NSRP1: variants seen among roughly 807,000 people sequenced by gnomAD.
The protein encoded by NSRP1 is coiled-coil domain containing 55.
Under a neutral mutation model 54.7 loss-of-function variants are expected in NSRP1, and 24 were observed. That is an observed-to-expected ratio of 0.44 (90% confidence interval 0.32 to 0.62). NSRP1 has a LOEUF of 0.62. Ranked by LOEUF, NSRP1 falls within the 20% of genes least tolerant of loss-of-function variation. The probability of loss-of-function intolerance (pLI) is 0.06; values close to 1 mark genes in which losing one functional copy is unlikely to be tolerated. For missense variants in NSRP1, 596 were observed against 651.2 expected (o/e 0.92, Z 0.92); for synonymous variants, 210 against 213.8 (o/e 0.98, Z 0.15).
intron 2 of NSRP1, among the ~76,000 whole-genome samples, chr17:30,139,183 C>T (rs2071780455): frequency 1.3e-5 from 2 of 149,848 alleles, no homozygotes. Context: ...TCCCAAAGTG[C>T]TGGGATTACA....
At chr17:30,158,925 G>A (rs1904414833) in intron 2 of NSRP1, among the ~76,000 whole-genome samples, 1 of 152,000 alleles carries the variant, frequency 6.6e-6, no homozygotes, top group Non-Finnish European at 1.5e-5. Context: ...TTTTTGCTCA[G>A]GTTTGCTTTG....
At chr17:30,176,613 C>T (rs533700826) in intron 3 of NSRP1, among the ~76,000 whole-genome samples, 9 of 121,116 alleles carry the variant, frequency 7.4e-5, no homozygotes, top group Non-Finnish European at 1.3e-4. Flanking sequence ...TCGTCCCCCC[C>T]CCCCCAAAAA....
At chr17:30,130,774 A>G (rs137880235) in intron 2 of NSRP1, among the ~76,000 whole-genome samples, 13 of 152,282 alleles carry the variant, frequency 8.5e-5, no homozygotes, top group South Asian at 2.1e-4. Flanking sequence ...TTCCAGGAAT[A>G]CACTGTTTCT....
intron 2 of NSRP1, among the ~76,000 whole-genome samples, chr17:30,171,647 C>T (rs1294848505): frequency 6.6e-6 from 1 of 151,586 alleles, no homozygotes; most frequent in African/African-American, 2.4e-5. Flanking sequence ...CCCTTTCAGA[C>T]TGTTTATCTG....
At chr17:30,179,469 G>C (rs1905231041) in intron 5 of NSRP1, among the ~76,000 whole-genome samples, 172 bp downstream of exon 5, 1 of 152,086 alleles carries the variant, frequency 6.6e-6, no homozygotes, top group Non-Finnish European at 1.5e-5. Context: ...AAAACAGAAA[G>C]GAAAGTTTAA....
chr17:30,120,318 A>T (rs894820414), intron 2 of NSRP1, among the ~76,000 whole-genome samples: 1 of 152,214 alleles, frequency 6.6e-6, no homozygotes, highest in Non-Finnish European at 1.5e-5. Flanking sequence ...ATAATTGACC[A>T]TAAGAAATGA....
rs578157975 is a variant in NSRP1 at position 30,155,992 on chromosome 17, A to G, written c.115-16550A>G. Among the ~76,000 whole-genome samples the G allele has an allele frequency of 7.4e-4, 112 of 151,638 alleles. No individual in the cohort carries two copies. In the Middle Eastern group the frequency reaches 0.01, roughly 14 times the overall value. ...GTAGCTGGGATTACAGGCACCTACC[A>G]CCAAACCCGGCTAATTTTTATACTT... is the stretch of plus-strand genomic sequence containing the variant. On this transcript the variant is annotated intron_variant, in intron 2 of 6. Coordinates refer to ENST00000247026, the MANE Select transcript of NSRP1 (RefSeq NM_032141.4).
chr17:30,139,796 G>A (rs1157694154), intron 2 of NSRP1, among the ~76,000 whole-genome samples: 4 of 152,092 alleles, frequency 2.6e-5, no homozygotes, highest in Admixed American at 6.6e-5. Context: ...AGGCTGAGGC[G>A]GGCGGATCAT....
intron 2 of NSRP1, among the ~76,000 whole-genome samples, chr17:30,120,704 G>C (rs999744827): frequency 6.6e-6 from 1 of 152,178 alleles, no homozygotes; most frequent in Non-Finnish European, 1.5e-5. Flanking sequence ...GGATCACTCT[G>C]ATGTATTATT....
intron 2 of NSRP1, among the ~76,000 whole-genome samples, chr17:30,169,409 G>A (rs1416896514): frequency 6.6e-6 from 1 of 152,040 alleles, no homozygotes; most frequent in Non-Finnish European, 1.5e-5. Context: ...ATTTGGAGAT[G>A]TAATCTTCTC....
At chr17:30,164,831 A>G (rs1904671773) in intron 2 of NSRP1, among the ~76,000 whole-genome samples, 1 of 152,142 alleles carries the variant, frequency 6.6e-6, no homozygotes, top group South Asian at 2.1e-4. Context: ...GTTTTAAGGA[A>G]TATTCTCCTG....
rs963263183 is a variant in NSRP1 at position 30,185,783 on chromosome 17, T to A, written c.*109T>A. The A allele has an allele frequency of 9.6e-6, 12 of 1,246,818 alleles. No homozygotes were observed. Among genetic ancestry groups the A allele is most frequent in the African/African-American group, 3.0e-5 (2 of 66,034 alleles). The allele number at this position is 1,246,818 out of a possible 1,614,324, so 77.2% of individuals were successfully genotyped here. ...TTACCAGTAGTTTGGAGGGCATTTT[T>A]AAATTTATTTTCAAAATTTTAAGTT... On this transcript the variant is annotated 3_prime_UTR_variant, in exon 7 of 7. Coordinates refer to ENST00000247026, the MANE Select transcript of NSRP1 (RefSeq NM_032141.4).
intron 2 of NSRP1, among the ~76,000 whole-genome samples, chr17:30,128,945 T>TG (rs2071675986): frequency 6.6e-6 from 1 of 151,348 alleles, no homozygotes; most frequent in Non-Finnish European, 1.5e-5. Flanking sequence ...TTTGTAGAGA[T>TG]GGGGGTCTCG....
intron 2 of NSRP1, among the ~76,000 whole-genome samples, chr17:30,141,271 G>A (rs962269206): frequency 1.3e-5 from 2 of 152,030 alleles, no homozygotes; most frequent in African/African-American, 4.8e-5. Flanking sequence ...ATTAATAGCT[G>A]TAAATTCTTC....
At chr17:30,176,898 C>T (rs1905145203) in intron 3 of NSRP1, among the ~76,000 whole-genome samples, 1 of 151,934 alleles carries the variant, frequency 6.6e-6, no homozygotes, top group African/African-American at 2.4e-5. Flanking sequence ...ATGTAAAAAC[C>T]CTAGTCTATC....
intron 3 of NSRP1, among the ~76,000 whole-genome samples, chr17:30,172,968 T>TATATAGA (rs1234486663): frequency 2.8e-5 from 4 of 143,374 alleles, no homozygotes; most frequent in African/African-American, 1.0e-4. Flanking sequence ...GATATATAGA[T>TATATAGA]TTTTTTTTTT....
chr17:30,172,448 C>A, intron 2 of NSRP1, 94 bp from the exon 3 acceptor site: 1 of 894,438 alleles, frequency 1.1e-6, no homozygotes, highest in Non-Finnish European at 1.7e-6. Context: ...ATACAAAACA[C>A]TTCTGGTCCC....
Position 30,181,335 on chromosome 17 carries a change from C to T in NSRP1, c.617+319C>T, listed in dbSNP as rs1252568971. Among the ~76,000 whole-genome samples, 3 of 150,762 alleles carry T rather than the reference C, an allele frequency of 2.0e-5. No individual in the cohort carries two copies. The East Asian group carries it at 5.8e-4, about 29-fold the overall frequency. On this transcript the variant is annotated intron_variant, in intron 6 of 6. Transcript: ENST00000247026. ...CTGAATTTTTAAGTGATTTATGGGTCTTAACAAGGGAGAGCAAAATCTTCA... is the reference window on the plus strand; with the variant it reads ...CTGAATTTTTAAGTGATTTATGGGTTTTAACAAGGGAGAGCAAAATCTTCA...
chr17:30,120,866 C>T (rs941152063), intron 2 of NSRP1, among the ~76,000 whole-genome samples: 2 of 152,166 alleles, frequency 1.3e-5, no homozygotes, highest in African/African-American at 4.8e-5. Context: ...CTTGTTTTAA[C>T]AGTAGCGTTA....
Sources: allele counts gnomAD v4.1 joint callset (sites outside exome capture counted in the v4.1 genomes callset), GRCh38; gene constraint gnomAD v4.1.1; transcripts MANE v1.5; gene names NCBI Gene and HGNC (gene_info 2026-07-23, HGNC 2026-07-21).